Variants in PCGF5 observed in about 807,000 individuals in gnomAD.
PCGF5 encodes polycomb group ring finger 5.
In PCGF5, 9 loss-of-function variants were observed where a neutral mutation model predicts 44.3. That is an observed-to-expected ratio of 0.20 (90% confidence interval 0.12 to 0.35). PCGF5 has a LOEUF of 0.35. Among genes scored for constraint, PCGF5 ranks in the 10% least tolerant of loss-of-function variants. PCGF5 has a pLI of 1.00. For missense variants in PCGF5, 146 were observed against 305.3 expected (o/e 0.48, Z 3.89); for synonymous variants, 95 against 102.5 (o/e 0.93, Z 0.44).
chr10:91,282,141 T>C lies in PCGF5; in HGVS notation c.*3825T>C, dbSNP rs1846469637. The C allele has an allele frequency of 6.6e-6, 1 of 152,228 alleles. No homozygotes were observed. The highest frequency in any genetic ancestry group is 1.5e-5 in the Non-Finnish European group (1 of 68,038). The allele number at this position is 152,228 out of a possible 1,614,324, so 9.4% of individuals were successfully genotyped here. ...ATGGGATTTATATAAGTAAGTGCTTTCTCTATATTCAAAATATTTCATAAG... is the reference window on the plus strand; with the variant it reads ...ATGGGATTTATATAAGTAAGTGCTTCCTCTATATTCAAAATATTTCATAAG... On this transcript the variant is annotated 3_prime_UTR_variant, in exon 10 of 10. Coordinates refer to ENST00000336126, the MANE Select transcript of PCGF5 (RefSeq NM_032373.5).
chr10:91,165,088 C>CT (rs564869854), intron 1 of PCGF5, among the ~76,000 whole-genome samples: 24 of 151,264 alleles, frequency 1.6e-4, no homozygotes, highest in East Asian at 1.2e-3. Flanking sequence ...AAATTCAGTG[C>CT]TTTTTTTTTG....
At chr10:91,197,049 C>T (rs574503689) in intron 1 of PCGF5, among the ~76,000 whole-genome samples, 6 of 152,288 alleles carry the variant, frequency 3.9e-5, no homozygotes, top group African/African-American at 9.6e-5. Context: ...TTATATTAGA[C>T]GTGGACAAGT....
intron 1 of PCGF5, among the ~76,000 whole-genome samples, chr10:91,201,899 C>G (rs1448667011): frequency 6.6e-6 from 1 of 152,074 alleles, no homozygotes; most frequent in Non-Finnish European, 1.5e-5. Context: ...TTTCCAACCT[C>G]AGAGTTTCTG....
chr10:91,247,717 T>C (rs767818566), intron 3 of PCGF5, among the ~76,000 whole-genome samples: 6 of 152,078 alleles, frequency 3.9e-5, no homozygotes, highest in Non-Finnish European at 5.9e-5. Flanking sequence ...TTTCAGAAGG[T>C]AGAACAATAA....
At position 91,175,715 on chromosome 10, in the gene PCGF5, A is replaced by G. The variant is rs549246793; in HGVS notation, c.-184+12634A>G. On this transcript the variant is annotated intron_variant, in intron 1 of 9. Coordinates refer to the PCGF5 transcript ENST00000614189. ...GCAAGGAAAAGAAAATAAAAATATC[A>G]GAGACTAGGATTGCAACCCCTGCCT... Among the ~76,000 whole-genome samples, 4 of 152,358 alleles carry G rather than the reference A, an allele frequency of 2.6e-5. No homozygotes were observed. The East Asian group carries it at 7.7e-4, about 29-fold the overall frequency.
At chr10:91,265,940 T>G (rs953685911) in intron 8 of PCGF5, among the ~76,000 whole-genome samples, 2 of 152,204 alleles carry the variant, frequency 1.3e-5, no homozygotes, top group Non-Finnish European at 2.9e-5. Context: ...GTGGCTCATA[T>G]TTTTAAAGAT....
intron 6 of PCGF5, among the ~76,000 whole-genome samples, chr10:91,253,550 A>C (rs567633499): frequency 6.6e-6 from 1 of 152,208 alleles, no homozygotes; most frequent in East Asian, 1.9e-4. Flanking sequence ...CCAAACATGC[A>C]GTTTTAGTTA....
intron 1 of PCGF5, among the ~76,000 whole-genome samples, chr10:91,177,177 AC>A (rs1474187825): frequency 6.6e-6 from 1 of 152,142 alleles, no homozygotes; most frequent in Non-Finnish European, 1.5e-5. Context: ...TCCACTTCAG[AC>A]CCTGTTTGCC....
intron 3 of PCGF5, among the ~76,000 whole-genome samples, chr10:91,241,344 A>G (rs1732229211): frequency 6.6e-6 from 1 of 152,116 alleles, no homozygotes; most frequent in African/African-American, 2.4e-5. Context: ...GCTGGGATAA[A>G]GGTGTGAGCC....
At chr10:91,273,444 G>C (rs1304627080) in intron 9 of PCGF5, among the ~76,000 whole-genome samples, 6 of 152,182 alleles carry the variant, frequency 3.9e-5, no homozygotes, top group African/African-American at 1.4e-4. Flanking sequence ...AAAAACTGGA[G>C]TGAGACCAAA....
intron 1 of PCGF5, among the ~76,000 whole-genome samples, chr10:91,207,903 A>G (rs565513852): frequency 2.0e-5 from 3 of 152,330 alleles, no homozygotes; most frequent in South Asian, 4.1e-4. Flanking sequence ...TTATCCCATT[A>G]TTAGTGCTGT....
At chr10:91,263,581 G>A (rs1845975896) in intron 7 of PCGF5, among the ~76,000 whole-genome samples, 1 of 152,106 alleles carries the variant, frequency 6.6e-6, no homozygotes, top group Admixed American at 6.6e-5. Context: ...AATAGCTAGA[G>A]AACTAAAATG....
In PCGF5 at chr10:91,223,046, ATTGCCATGTTTTGTTTT is replaced by A. The variant is rs1160840842; in HGVS notation, c.112+65_112+81del. 5.4e-6 allele frequency: 6 copies of A among 1,103,676 alleles called. No individual in the cohort carries two copies. The Admixed American group carries it at 1.2e-4, about 21-fold the overall frequency. 68.4% of individuals were successfully genotyped at this position (1,103,676 alleles called of 1,614,324 possible). On this transcript the variant is annotated intron_variant, in intron 2 of 9. Coordinates refer to ENST00000336126, the MANE Select transcript of PCGF5 (RefSeq NM_032373.5). ...TATATGTACATTTTGTTCTTTTAAAATTGCCATGTTTTGTTTTTATCTATGTTGTAACTTTTAAGAAA... is the reference window on the plus strand; with the variant it reads ...TATATGTACATTTTGTTCTTTTAAAATATCTATGTTGTAACTTTTAAGAAA...
At chr10:91,186,852 C>T (rs886634068) in intron 1 of PCGF5, among the ~76,000 whole-genome samples, 4 of 152,298 alleles carry the variant, frequency 2.6e-5, no homozygotes, top group South Asian at 2.1e-4. Flanking sequence ...TACATTTATA[C>T]TGCTGGATCA....
At chr10:91,268,310 T>G (rs956114224) in intron 8 of PCGF5, among the ~76,000 whole-genome samples, 8 of 152,210 alleles carry the variant, frequency 5.3e-5, no homozygotes, top group African/African-American at 1.7e-4. Flanking sequence ...TAGTTGGGCC[T>G]TCTAGGTTGC....
intron 3 of PCGF5, among the ~76,000 whole-genome samples, chr10:91,246,709 G>A (rs1845467366): frequency 1.3e-5 from 2 of 152,068 alleles, no homozygotes. Flanking sequence ...TAAATGAAGG[G>A]AAAGAGAGAA....
chr10:91,269,011 A>AG (rs1176577528), intron 8 of PCGF5, among the ~76,000 whole-genome samples: 4 of 152,210 alleles, frequency 2.6e-5, no homozygotes, highest in Non-Finnish European at 5.9e-5. Flanking sequence ...GGAAAAAAAA[A>AG]CATGCTTCTT....
upstream of PCGF5, among the ~76,000 whole-genome samples, chr10:91,218,115 A>T (rs1844579597): frequency 6.6e-6 from 1 of 152,156 alleles, no homozygotes; most frequent in Non-Finnish European, 1.5e-5. Context: ...GACCTCCCTT[A>T]AGTTCTGGGA....
chr10:91,248,751 A>G (rs753507593), intron 5 of PCGF5, 27 bp downstream of exon 5: 7 of 1,570,746 alleles, frequency 4.5e-6, no homozygotes, highest in Non-Finnish European at 6.1e-6. Context: ...TCTGTTTCTG[A>G]CAGCACCTCT....
Sources: gnomAD v4.1 joint callset for allele counts (sites outside exome capture counted in the v4.1 genomes callset) on GRCh38, gnomAD v4.1.1 for gene constraint, MANE v1.5 for transcripts, NCBI Gene and HGNC (gene_info 2026-07-23, HGNC 2026-07-21) for gene names.